The following PCCA variants were observed in gnomAD, a reference collection of about 807,000 sequenced individuals.
The protein encoded by PCCA is propionyl-CoA carboxylase subunit alpha.
PCCA carries 74 observed loss-of-function variants against 101.3 expected under a neutral mutation model. The observed-to-expected ratio is 0.73, with a 90% CI of 0.61 to 0.89. The LOEUF (loss-of-function observed/expected upper bound fraction) is 0.89, where lower values mean the gene tolerates loss of function less well. PCCA is among the 40% of genes least tolerant of loss of function. The pLI is 0.00. For missense variants in PCCA, 891 were observed against 907.0 expected, an observed-to-expected ratio of 0.98 and a Z score of 0.23; for synonymous variants, 294 against 313.6, an observed-to-expected ratio of 0.94 and a Z score of 0.66.
intron 6 of PCCA, among the ~76,000 whole-genome samples, chr13:100,206,876 C>G (rs1454864372): frequency 6.6e-6 from 1 of 152,102 alleles, no homozygotes; most frequent in Non-Finnish European, 1.5e-5. Flanking sequence ...CATCCTCATC[C>G]CCATAGAGAA....
chr13:100,359,160 G>T (rs895336125), intron 18 of PCCA, among the ~76,000 whole-genome samples: 1 of 151,490 alleles, frequency 6.6e-6, no homozygotes, highest in African/African-American at 2.4e-5. Context: ...AGACAGCCTC[G>T]GTGACTTGTG....
At chr13:100,284,681 A>G (rs987298760) in intron 12 of PCCA, among the ~76,000 whole-genome samples, 3 of 152,164 alleles carry the variant, frequency 2.0e-5, no homozygotes, top group Non-Finnish European at 4.4e-5. Flanking sequence ...CTGCTCTCTC[A>G]AGTACCAGAG....
At chr13:100,314,345 A>G (rs745548110) in intron 16 of PCCA, among the ~76,000 whole-genome samples, 1 of 152,104 alleles carries the variant, frequency 6.6e-6, no homozygotes, top group Admixed American at 6.5e-5. Flanking sequence ...GTGTTCAGCA[A>G]CCCACAAGTC....
Position 100,302,931 on chromosome 13 carries a change from A to G in PCCA, c.1217A>G (p.Tyr406Cys), listed in dbSNP as rs981962098. The change falls in exon 14 of 24, where the codon TAC (tyrosine) becomes TGC (cysteine). Residue 406 changes from tyrosine (Y) to cysteine (C), a missense_variant. By Grantham distance (194) the Tyr-to-Cys change is radical (BLOSUM62 -2). Transcript: ENST00000376285. ...TTTCCTTTGAACTTTCAGGACCCCT[A>G]CAAGTCTTTTGGTTTACCATCTATT... The part of the protein sequence containing the change: ...VECRVYAEDP[Y>C]KSFGLPSIGR... 2.5e-6 allele frequency: 4 copies of G among 1,592,426 alleles called. No individual in the cohort carries two copies. Among genetic ancestry groups the G allele is most frequent in the African/African-American group, 1.3e-5 (1 of 74,510 alleles).
At chr13:100,163,251 C>T (rs544590425) in intron 6 of PCCA, among the ~76,000 whole-genome samples, 6 of 151,942 alleles carry the variant, frequency 3.9e-5, no homozygotes, top group Non-Finnish European at 8.8e-5. Context: ...TGAAGTGTTA[C>T]GTTCTAGTTT....
intron 21 of PCCA, among the ~76,000 whole-genome samples, chr13:100,452,336 A>T (rs1413767598): frequency 6.6e-6 from 1 of 151,878 alleles, no homozygotes; most frequent in East Asian, 1.9e-4. Flanking sequence ...GGATGGCAGT[A>T]GCTGGCGTCC....
In PCCA at chr13:100,157,334, A is replaced by T. The variant is rs1181769365; in HGVS notation, c.462A>T (p.Arg154Ser). ...TTTCAGAAAACAAAGAATTTGCCAGATGTTTGGTAAGTTGGTAATGAACCA... is the reference window on the plus strand; with the variant it reads ...TTTCAGAAAACAAAGAATTTGCCAGTTGTTTGGTAAGTTGGTAATGAACCA... ...GFLSENKEFA[R>S]CLAAEDVVFI... Residue 154 changes from arginine to serine, a missense_variant, in exon 6 of 24, where the codon AGA (arginine) becomes AGT (serine). By Grantham distance (110) the Arg-to-Ser change is moderately radical. Coordinates refer to ENST00000376285, the MANE Select transcript of PCCA (RefSeq NM_000282.4). The T allele has an allele frequency of 6.2e-7, 1 of 1,606,626 alleles. No individual in the cohort carries two copies. The highest frequency in any genetic ancestry group is 1.7e-5 in the Admixed American group (1 of 60,016).
At chr13:100,223,135 T>C (rs948475400) in intron 7 of PCCA, among the ~76,000 whole-genome samples, 1 of 151,518 alleles carries the variant, frequency 6.6e-6, no homozygotes, top group Non-Finnish European at 1.5e-5. Context: ...CATTAAGATA[T>C]TGGAGACAGG....
intron 21 of PCCA, among the ~76,000 whole-genome samples, chr13:100,472,298 C>T (rs1236871231): frequency 6.6e-6 from 1 of 152,000 alleles, no homozygotes; most frequent in African/African-American, 2.4e-5. Flanking sequence ...GTCAGAGGTT[C>T]TCCGGGGACC....
At chr13:100,143,492 G>A (rs749925553) in intron 4 of PCCA, among the ~76,000 whole-genome samples, 30 of 148,022 alleles carry the variant, frequency 2.0e-4, no homozygotes, top group Non-Finnish European at 3.1e-4. Flanking sequence ...CTGAGATTGC[G>A]CCACTGTACT....
At chr13:100,424,373 G>T (rs886725197) in intron 19 of PCCA, among the ~76,000 whole-genome samples, 1 of 152,110 alleles carries the variant, frequency 6.6e-6, no homozygotes, top group African/African-American at 2.4e-5. Flanking sequence ...TTTGCCTGCA[G>T]TCATCATGGA....
rs2075359699 is a variant in PCCA at position 100,368,476 on chromosome 13, C to T, written c.1648C>T (p.Pro550Ser). ...TTTCTTTTCATTCTACTTCAGAATGCCTGTTATTAAACCAGACATAGCCAA... is the reference window on the plus strand; with the variant it reads ...TTTCTTTTCATTCTACTTCAGAATGTCTGTTATTAAACCAGACATAGCCAA... The part of the protein sequence containing the change: ...AQHFQENSRM[P>S]VIKPDIANWE... Residue 550 changes from proline (P) to serine (S), a missense_variant, in exon 19 of 24, where the codon CCT (proline) becomes TCT (serine). By Grantham distance (74) the Pro-to-Ser change is moderately conservative. Transcript: ENST00000376285. The T allele has an allele frequency of 6.5e-7, 1 of 1,533,088 alleles. No individual in the cohort carries two copies. The highest frequency in any genetic ancestry group is 1.4e-5 in the African/African-American group (1 of 73,144). The allele number at this position is 1,533,088 out of a possible 1,614,324, so 95.0% of individuals were successfully genotyped here.
intron 4 of PCCA, among the ~76,000 whole-genome samples, chr13:100,133,797 C>G (rs1427264047): frequency 1.3e-5 from 2 of 152,184 alleles, no homozygotes; most frequent in African/African-American, 4.8e-5. Context: ...TGGGCACCCT[C>G]TAATCAGCTG....
intron 19 of PCCA, among the ~76,000 whole-genome samples, chr13:100,407,299 G>A (rs2077744169): frequency 6.6e-6 from 1 of 152,072 alleles, no homozygotes; most frequent in Non-Finnish European, 1.5e-5. Flanking sequence ...GACATTCCAG[G>A]GGCCCTCTGG....
At chr13:100,261,582 T>A (rs2062522589) in intron 9 of PCCA, among the ~76,000 whole-genome samples, 1 of 152,104 alleles carries the variant, frequency 6.6e-6, no homozygotes, top group African/African-American at 2.4e-5. Context: ...GCCAGGCTGG[T>A]CTCGAACTTC....
intron 6 of PCCA, among the ~76,000 whole-genome samples, chr13:100,176,159 T>C (rs2056220889): frequency 6.6e-6 from 1 of 152,220 alleles, no homozygotes; most frequent in Admixed American, 6.5e-5. Context: ...TTCTGGCTTT[T>C]GAAAGCTTGC....
At chr13:100,310,113 A>G (rs538426687) in intron 16 of PCCA, among the ~76,000 whole-genome samples, 1 of 152,320 alleles carries the variant, frequency 6.6e-6, no homozygotes, top group South Asian at 2.1e-4. Flanking sequence ...TTTTCTCTAT[A>G]TGCCTAACAT....
At chr13:100,161,104 T>C (rs2054421805) in intron 6 of PCCA, 1 of 152,224 alleles carries the variant, frequency 6.6e-6, no homozygotes, top group South Asian at 2.1e-4. Context: ...ATCTTCTTTC[T>C]TTCTTGAGTT....
intron 17 of PCCA, 150 bp from the exon 18 acceptor site, chr13:100,340,007 G>A: frequency 1.5e-6 from 1 of 682,856 alleles, no homozygotes; most frequent in Non-Finnish European, 2.7e-6. Context: ...CTTCCTCAAT[G>A]TCCGCACACC....
Sources: allele counts gnomAD v4.1 joint callset (sites outside exome capture counted in the v4.1 genomes callset), GRCh38; gene constraint gnomAD v4.1.1; transcripts MANE v1.5; gene names NCBI Gene and HGNC (gene_info 2026-07-23, HGNC 2026-07-21).